Variants in NUCB1 observed in about 807,000 individuals in gnomAD.
NUCB1 encodes nucleobindin-1.
NUCB1 carries 47 observed loss-of-function variants against 61.2 expected under a neutral mutation model. The ratio of observed to expected loss-of-function variants is 0.77; its 90% CI spans 0.61 to 0.98. The LOEUF (loss-of-function observed/expected upper bound fraction) is 0.98, where lower values mean the gene tolerates loss of function less well. NUCB1 is among the 50% of genes least tolerant of loss of function. NUCB1 has a pLI of 0.00. For missense variants in NUCB1, 583 were observed against 605.3 expected (o/e 0.96, Z 0.39); for synonymous variants, 234 against 243.1 (o/e 0.96, Z 0.35).
chr19:48,918,808 C>A, intron 8 of NUCB1, 24 bp downstream of exon 8: 1 of 1,608,408 alleles, frequency 6.2e-7, no homozygotes, highest in Non-Finnish European at 8.5e-7. Flanking sequence ...AAGCCTCGGG[C>A]ACCTGGAGGG....
Position 48,921,244 on chromosome 19 carries a change from G to C in NUCB1, c.1093G>C (p.Ala365Pro). The change falls in exon 11 of 13, where the codon GCC becomes CCC. Residue 365 changes from alanine to proline, a missense_variant. By Grantham distance (27) the Ala-to-Pro change is conservative. Transcript: ENST00000405315. ...AAREAELNAK[A>P]QRLSQETEAL... ...CCGGGAGGCAGAGCTGAATGCCAAG[G>C]CCCAGCGCCTCAGCCAGGAGACAGA... The C allele has an allele frequency of 1.2e-6, 2 of 1,611,750 alleles. No individual in the cohort carries two copies. The highest frequency in any genetic ancestry group is 1.7e-6 in the Non-Finnish European group (2 of 1,179,364).
chr19:48,903,850 A>G (rs2037381758), intron 2 of NUCB1, among the ~76,000 whole-genome samples: 1 of 117,356 alleles, frequency 8.5e-6, no homozygotes, highest in Non-Finnish European at 1.7e-5. Context: ...GGATGGATGG[A>G]TGGATGAGTG....
intron 2 of NUCB1, among the ~76,000 whole-genome samples, chr19:48,903,822 ATGGGCAGG>A (rs2037381036): frequency 7.5e-6 from 1 of 132,944 alleles, no homozygotes. Context: ...GGGTGGATGG[ATGGGCAGG>A]TGGATGAGTG....
At chr19:48,904,795 T>C (rs2037395092) in intron 3 of NUCB1, among the ~76,000 whole-genome samples, 1 of 152,138 alleles carries the variant, frequency 6.6e-6, no homozygotes. Flanking sequence ...GTGTTGGGAT[T>C]ACAGGCATGA....
intron 7 of NUCB1, among the ~76,000 whole-genome samples, chr19:48,917,563 C>T (rs2037555069): frequency 6.6e-6 from 1 of 152,132 alleles, no homozygotes; most frequent in Admixed American, 6.6e-5. Context: ...ATGGCATGAT[C>T]TTGGCACACT....
At chr19:48,919,811 T>C (rs1048824529) in intron 10 of NUCB1, among the ~76,000 whole-genome samples, 2 of 130,942 alleles carry the variant, frequency 1.5e-5, no homozygotes, top group Admixed American at 1.7e-4. Context: ...CTCTGTCGCG[T>C]AGGCTGGAGC....
At chr19:48,914,701 C>T (rs2037519995) in intron 7 of NUCB1, among the ~76,000 whole-genome samples, 1 of 151,858 alleles carries the variant, frequency 6.6e-6, no homozygotes, top group South Asian at 2.1e-4. Context: ...AATCCCAGCA[C>T]TTTGGTAGGC....
At chr19:48,905,723 C>CA in intron 3 of NUCB1, 30 bp from the exon 4 acceptor site, 9 of 1,613,570 alleles carry the variant, frequency 5.6e-6, no homozygotes, top group Non-Finnish European at 7.6e-6. Context: ...AGCAGGCCCC[C>CA]AGGCTGACCA....
rs2037606972 is a variant in NUCB1, at chr19:48,921,279, G to A, written c.1128G>A (p.Gly376=). ...QRLSQETEAL[G]RSQGRLEAQK... The stretch of plus-strand genomic sequence containing the variant: ...TCAGCCAGGAGACAGAGGCTCTAGG[G>A]CGGTCCCAGGGCCGCCTGGAGGCCC... The change falls in exon 11 of 13, where the codon GGG becomes GGA. Residue 376 remains glycine, a synonymous_variant. Transcript: ENST00000405315. The A allele has an allele frequency of 3.1e-6, 5 of 1,603,190 alleles. No homozygotes were observed. Among genetic ancestry groups the A allele is most frequent in the South Asian group, 1.1e-5 (1 of 89,616 alleles).
chr19:48,922,525 T>G lies in NUCB1; in HGVS notation c.*101T>G. ...AGCTTCCCTGGGGGCTGGTGTCATG[T>G]TGGGCTCCTGGGGCGGGGGCACGGC... On this transcript the variant is annotated 3_prime_UTR_variant, in exon 13 of 13. Coordinates refer to ENST00000405315, the MANE Select transcript of NUCB1 (RefSeq NM_006184.6). 1.0e-6 allele frequency: 1 copy of G among 961,208 alleles called. No homozygotes were observed. The highest frequency in any genetic ancestry group is 1.6e-6 in the Non-Finnish European group (1 of 616,898). The allele number at this position is 961,208 out of a possible 1,614,324, so 59.5% of individuals were successfully genotyped here. A position where few individuals can be genotyped will look rare whatever the true frequency, so the allele number is the denominator to read the frequency against.
At chr19:48,906,487 G>A (rs932530209) in intron 4 of NUCB1, among the ~76,000 whole-genome samples, 1 of 151,448 alleles carries the variant, frequency 6.6e-6, no homozygotes, top group South Asian at 2.1e-4. Flanking sequence ...AACACTTTTT[G>A]AGGCAGGAGA....
Position 48,913,145 on chromosome 19 carries a change from G to A in NUCB1, c.615G>A (p.Lys205=). Residue 205 remains lysine, a synonymous_variant, in exon 6 of 13, where the codon AAG becomes AAA. Coordinates refer to ENST00000405315, the MANE Select transcript of NUCB1 (RefSeq NM_006184.6). ...GEEQRKEAER[K]LEEQQRRHRE... is the part of the protein sequence containing the mutation. Reference sequence around the variant, plus strand: ...AGCAGAGAAAGGAGGCGGAGAGGAAGCTGGAAGAGCAACAGCGCCGGCACC... The same window carrying A: ...AGCAGAGAAAGGAGGCGGAGAGGAAACTGGAAGAGCAACAGCGCCGGCACC... The A allele has an allele frequency of 6.2e-7, 1 of 1,613,960 alleles. No homozygotes were observed. The highest frequency in any genetic ancestry group is 1.3e-5 in the African/African-American group (1 of 75,034).
At chr19:48,903,394 T>G (rs4801779) in intron 2 of NUCB1, among the ~76,000 whole-genome samples, 7,736 of 102,470 alleles carry the variant, frequency 0.075, 432 homozygotes, top group African/African-American at 0.18. Context: ...GGATGGGCAG[T>G]TGGATGGATG....
At chr19:48,904,895 G>A (rs901416607) in intron 3 of NUCB1, among the ~76,000 whole-genome samples, 4 of 152,160 alleles carry the variant, frequency 2.6e-5, no homozygotes, top group Non-Finnish European at 5.9e-5. Context: ...TAAGACTCAG[G>A]GAGAAGTTGC....
intron 4 of NUCB1, among the ~76,000 whole-genome samples, chr19:48,907,490 G>C (rs1429096543): frequency 6.6e-6 from 1 of 151,502 alleles, no homozygotes; most frequent in African/African-American, 2.4e-5. Flanking sequence ...GGCCAGGCTG[G>C]TCTTGAACTC....
chr19:48,904,111 A>C lies in NUCB1; in HGVS notation c.136-236A>C, dbSNP rs188755957. Among the ~76,000 whole-genome samples, 1,307 of 152,124 alleles carry C rather than the reference A, an allele frequency of 8.6e-3. 16 individuals are homozygous for C. The highest frequency in any genetic ancestry group is 0.013 in the Non-Finnish European group (852 of 67,984). Reference sequence around the variant, plus strand: ...GATGGATGGTTGGATGGATGGATAAAAGTATGATTCACAGCTTCCCAACAA... The same window carrying C: ...GATGGATGGTTGGATGGATGGATAACAGTATGATTCACAGCTTCCCAACAA... On this transcript the variant is annotated intron_variant, in intron 2 of 12. Transcript: ENST00000405315.
intron 7 of NUCB1, 57 bp from the exon 8 acceptor site, chr19:48,918,669 A>T (rs763784564): frequency 6.9e-7 from 1 of 1,445,938 alleles, no homozygotes; most frequent in South Asian, 1.1e-5. Context: ...TTCACCAGGG[A>T]CCTTACACAT....
At chr19:48,907,718 G>A (rs894033301) in intron 4 of NUCB1, among the ~76,000 whole-genome samples, 1 of 152,134 alleles carries the variant, frequency 6.6e-6, no homozygotes, top group South Asian at 2.1e-4. Context: ...GGCTCTTCCC[G>A]TCCCTCCTCT....
chr19:48,911,775 A>G (rs574679559), intron 5 of NUCB1, among the ~76,000 whole-genome samples: 7 of 151,904 alleles, frequency 4.6e-5, no homozygotes, highest in Non-Finnish European at 7.4e-5. Context: ...CAAACACTCT[A>G]TTTCCAAATA....
Sources: allele counts gnomAD v4.1 joint callset (sites outside exome capture counted in the v4.1 genomes callset), GRCh38; gene constraint gnomAD v4.1.1; transcripts MANE v1.5; gene names NCBI Gene and HGNC (gene_info 2026-07-23, HGNC 2026-07-21).